DOCK3: variants seen among roughly 807,000 people sequenced by gnomAD.
DOCK3 encodes dedicator of cytokinesis protein 3.
Under a neutral mutation model 265.6 loss-of-function variants are expected in DOCK3, and 60 were observed. That is an observed-to-expected ratio of 0.23 (90% CI 0.18 to 0.28). The LOEUF (loss-of-function observed/expected upper bound fraction) is 0.28, where lower values mean the gene tolerates loss of function less well. Among genes scored for constraint, DOCK3 ranks in the 10% least tolerant of loss-of-function variants. DOCK3 has a pLI of 1.00. For synonymous variants in DOCK3, 881 were observed against 938.0 expected, an observed-to-expected ratio of 0.94 and a Z score of 1.11; for missense variants, 1,981 against 2,594.3, an observed-to-expected ratio of 0.76 and a Z score of 5.14.
At chr3:51,292,919 G>A (rs2081867919) in intron 27 of DOCK3, among the ~76,000 whole-genome samples, 1 of 152,090 alleles carries the variant, frequency 6.6e-6, no homozygotes, top group Admixed American at 6.6e-5. Context: ...AACCAAGGAA[G>A]TTAAAGATCT....
chr3:51,328,702 A>G (rs1225010071), intron 32 of DOCK3, among the ~76,000 whole-genome samples: 1 of 151,594 alleles, frequency 6.6e-6, no homozygotes, highest in East Asian at 1.9e-4. Flanking sequence ...TGAATTTACT[A>G]ATTCAGTTAT....
At chr3:51,099,778 T>C (rs1240693285) in intron 9 of DOCK3, among the ~76,000 whole-genome samples, 1 of 152,130 alleles carries the variant, frequency 6.6e-6, no homozygotes, top group Non-Finnish European at 1.5e-5. Flanking sequence ...AATAAGTAAA[T>C]TGTATCATAT....
At position 50,878,893 on chromosome 3, in the gene DOCK3, C is replaced by T. The variant is rs979314763; in HGVS notation, c.163-11133C>T. ...CAGCCAGAGAGAAAAGTCGGGTTAC[C>T]CACAAAGGGAAGCCCATCAGACTAA... On this transcript the variant is annotated intron_variant, in intron 3 of 52. Coordinates refer to ENST00000266037, the MANE Select transcript of DOCK3 (RefSeq NM_004947.5). Among the ~76,000 whole-genome samples the T allele has an allele frequency of 9.9e-5, 15 of 152,248 alleles. 1 individual carries two copies. In the Middle Eastern group the frequency reaches 0.01, roughly 104 times the overall value.
At position 51,075,266 on chromosome 3, in the gene DOCK3, A is replaced by G. The variant is rs2082018717; in HGVS notation, c.465-90A>G. 67 of 1,014,922 alleles carry G rather than the reference A, an allele frequency of 6.6e-5. 1 individual carries two copies. In the Middle Eastern group the frequency reaches 8.4e-4, roughly 13 times the overall value. 62.9% of individuals were successfully genotyped at this position (1,014,922 alleles called of 1,614,324 possible). The stretch of plus-strand genomic sequence containing the variant: ...GACAGTGTCTGATCCTCTGTCCACA[A>G]GATGTGGCAGGTATGGGTTCCCAGG... On this transcript the variant is annotated intron_variant, in intron 6 of 52. Coordinates refer to ENST00000266037, the MANE Select transcript of DOCK3 (RefSeq NM_004947.5).
At chr3:51,039,766 T>C (rs1033620236) in intron 5 of DOCK3, among the ~76,000 whole-genome samples, 1 of 152,068 alleles carries the variant, frequency 6.6e-6, no homozygotes, top group Admixed American at 6.6e-5. Context: ...TCATGTCTGC[T>C]CTCTACCCGC....
At chr3:51,286,513 A>G (rs983529367) in intron 27 of DOCK3, among the ~76,000 whole-genome samples, 5 of 152,246 alleles carry the variant, frequency 3.3e-5, no homozygotes, top group Non-Finnish European at 5.9e-5. Context: ...TAGCCAAAGC[A>G]GTCCTAAGCA....
At chr3:50,760,025 C>G (rs1392548886) in intron 1 of DOCK3, among the ~76,000 whole-genome samples, 2 of 150,898 alleles carry the variant, frequency 1.3e-5, no homozygotes, top group Non-Finnish European at 2.9e-5. Flanking sequence ...TGAAGGCGGA[C>G]TCTTTTTTTT....
At chr3:51,292,841 C>T (rs1464761391) in intron 27 of DOCK3, among the ~76,000 whole-genome samples, 5 of 149,734 alleles carry the variant, frequency 3.3e-5, no homozygotes, top group Non-Finnish European at 7.4e-5. Context: ...CCACACCCAG[C>T]TAATTTTTTT....
intron 4 of DOCK3, among the ~76,000 whole-genome samples, chr3:50,894,861 T>C (rs922449109): frequency 7.2e-5 from 11 of 152,148 alleles, no homozygotes; most frequent in Non-Finnish European, 2.9e-5. Flanking sequence ...AGCTTTATTC[T>C]TATATATTCT....
chr3:51,370,407 T>C (rs2110481531), intron 49 of DOCK3, among the ~76,000 whole-genome samples: 1 of 152,342 alleles, frequency 6.6e-6, no homozygotes, highest in Admixed American at 6.5e-5. Context: ...ACATTTGAAC[T>C]CAAATGCACT....
At chr3:50,900,989 A>G (rs1337355361) in intron 4 of DOCK3, 1 of 406,164 alleles carries the variant, frequency 2.5e-6, no homozygotes, top group Non-Finnish European at 4.8e-6. Context: ...ATCCCTTAGC[A>G]GAGCTTGAGC....
chr3:51,041,450 C>T (rs1009566513), intron 5 of DOCK3, among the ~76,000 whole-genome samples: 3 of 151,430 alleles, frequency 2.0e-5, no homozygotes, highest in African/African-American at 7.3e-5. Context: ...ATCTCCTGAC[C>T]TCATGATTTG....
intron 5 of DOCK3, among the ~76,000 whole-genome samples, chr3:51,041,940 G>T (rs936419664): frequency 1.3e-5 from 2 of 151,950 alleles, no homozygotes; most frequent in African/African-American, 4.8e-5. Flanking sequence ...TTGAAATCAG[G>T]CACTGACTTC....
chr3:50,689,319 G>A (rs537378123), intron 1 of DOCK3, among the ~76,000 whole-genome samples: 1 of 152,338 alleles, frequency 6.6e-6, no homozygotes, highest in Non-Finnish European at 1.5e-5. Flanking sequence ...AAAGGAAAGA[G>A]GTTTAATTGA....
At chr3:50,848,840 A>G (rs2046217491) in intron 3 of DOCK3, among the ~76,000 whole-genome samples, 1 of 152,148 alleles carries the variant, frequency 6.6e-6, no homozygotes, top group South Asian at 2.1e-4. Context: ...CTTCCTTGCT[A>G]GTAAGATTAG....
intron 27 of DOCK3, among the ~76,000 whole-genome samples, chr3:51,291,582 G>A (rs566311592): frequency 2.6e-5 from 4 of 152,256 alleles, no homozygotes; most frequent in South Asian, 2.1e-4. Flanking sequence ...CTAATAACTA[G>A]TAAAGAGCTT....
chr3:50,882,831 A>G (rs1055647079), intron 3 of DOCK3, among the ~76,000 whole-genome samples: 4 of 152,218 alleles, frequency 2.6e-5, no homozygotes, highest in African/African-American at 9.6e-5. Flanking sequence ...TGTTTATTGC[A>G]GCACTATTCA....
chr3:50,912,489 G>A (rs2049908776), intron 4 of DOCK3, among the ~76,000 whole-genome samples: 1 of 152,120 alleles, frequency 6.6e-6, no homozygotes, highest in South Asian at 2.1e-4. Flanking sequence ...CAGTCAGCAG[G>A]TGGCAAAGCC....
chr3:51,041,544 T>A (rs2109033869), intron 5 of DOCK3, among the ~76,000 whole-genome samples: 1 of 152,150 alleles, frequency 6.6e-6, no homozygotes, highest in South Asian at 2.1e-4. Flanking sequence ...GTAATAAGAC[T>A]TGAAAGTGGA....
Sources: gnomAD v4.1 joint callset for allele counts (sites outside exome capture counted in the v4.1 genomes callset) on GRCh38, gnomAD v4.1.1 for gene constraint, MANE v1.5 for transcripts, NCBI Gene and HGNC (gene_info 2026-07-23, HGNC 2026-07-21) for gene names.